NIBAN2: variants seen among roughly 807,000 people sequenced by gnomAD.
NIBAN2 encodes niban apoptosis regulator 2, also known as protein Niban 2.
Under a neutral mutation model 81.8 loss-of-function variants are expected in NIBAN2, and 36 were observed. The observed-to-expected ratio is 0.44, with a 90% CI of 0.34 to 0.58. NIBAN2 has a LOEUF of 0.58. Among genes scored for constraint, NIBAN2 ranks in the 20% least tolerant of loss-of-function variants. The pLI is 0.02. For synonymous variants in NIBAN2, 445 were observed against 441.6 expected (o/e 1.01, Z -0.10); for missense variants, 897 against 1,014.1 (o/e 0.88, Z 1.57).
chr9:127,551,266 T>C (rs1837570534), intron 1 of NIBAN2, among the ~76,000 whole-genome samples: 1 of 152,054 alleles, frequency 6.6e-6, no homozygotes, highest in Non-Finnish European at 1.5e-5. Context: ...CTCACACCTG[T>C]AATCCCAGCA....
chr9:127,556,797 G>A (rs993544761), intron 1 of NIBAN2, among the ~76,000 whole-genome samples: 2 of 151,564 alleles, frequency 1.3e-5, no homozygotes, highest in Middle Eastern at 3.4e-3. Flanking sequence ...ACCACGGGCT[G>A]GGCGTGGTGG....
rs1419852060 is a variant in NIBAN2 at position 127,523,737 on chromosome 9, T to C, written c.531A>G (p.Glu177=). The C allele has an allele frequency of 6.2e-7, 1 of 1,614,064 alleles. No homozygotes were observed. The highest frequency in any genetic ancestry group is 1.7e-5 in the Admixed American group (1 of 60,028). Residue 177 remains glutamate (E), a synonymous_variant, in exon 5 of 14, where the codon GAA becomes GAG. Transcript: ENST00000373312. ...CAGCCTGCCACTTGTCCTGCTCGGC[T>C]TCTGTCATCATGCAGAAGTAGTAGT... ...ARHYYFCMMT[E]AEQDKWQAVL...
chr9:127,506,451 G>T lies in NIBAN2; in HGVS notation c.*394C>A. On this transcript the variant is annotated 3_prime_UTR_variant, in exon 14 of 14. Coordinates refer to ENST00000373312, the MANE Select transcript of NIBAN2 (RefSeq NM_022833.4). ...GTCCTGGCCCAGCCAGCTCCTGGGT[G>T]AGTGGGCGGGAACCCACTGGGCTCA... 1 of 167,514 alleles carries T rather than the reference G, an allele frequency of 6.0e-6. No homozygotes were observed. Among genetic ancestry groups the T allele is most frequent in the Non-Finnish European group, 1.3e-5 (1 of 78,464 alleles). The allele number at this position is 167,514 out of a possible 1,614,324, so 10.4% of individuals were successfully genotyped here.
chr9:127,515,439 T>C (rs1395045171), intron 8 of NIBAN2, among the ~76,000 whole-genome samples: 1 of 148,540 alleles, frequency 6.7e-6, no homozygotes, highest in Non-Finnish European at 1.5e-5. Context: ...GAGAATGGTG[T>C]GAACCCGGGA....
Position 127,508,129 on chromosome 9 carries a change from C to A in NIBAN2, c.1506G>T (p.Pro502=). 1.9e-6 allele frequency: 3 copies of A among 1,613,594 alleles called. No individual in the cohort carries two copies. The highest frequency in any genetic ancestry group is 2.5e-6 in the Non-Finnish European group (3 of 1,180,014). ...FREALLQISI[P]FLLKKLAPTC... Reference sequence around the variant, plus strand: ...TAGGGGCCAGCTTCTTGAGCAGGAACGGGATGCTGATCTGCAGCAGCGCCT... The same window carrying A: ...TAGGGGCCAGCTTCTTGAGCAGGAAAGGGATGCTGATCTGCAGCAGCGCCT... Residue 502 remains proline, a synonymous_variant, in exon 12 of 14, where the codon CCG becomes CCT. Coordinates refer to ENST00000373312, the MANE Select transcript of NIBAN2 (RefSeq NM_022833.4). The surrounding 1 kb of genome is among the most constrained non-coding windows in gnomAD (Gnocchi z 6.4).
At chr9:127,569,302 G>A (rs1319148230), upstream of NIBAN2, among the ~76,000 whole-genome samples, 1 of 150,770 alleles carries the variant, frequency 6.6e-6, no homozygotes, top group Non-Finnish European at 1.5e-5. Flanking sequence ...GGCGGGCGGG[G>A]CACAGGGGCG....
chr9:127,577,413 T>C (rs898324157), intron 1 of NIBAN2, among the ~76,000 whole-genome samples: 6 of 150,812 alleles, frequency 4.0e-5, no homozygotes, highest in Non-Finnish European at 8.8e-5. Context: ...CCAGATCCAA[T>C]ACCCCACACT....
Position 127,506,463 on chromosome 9 carries a change from A to C in NIBAN2, c.*382T>G. 4 of 170,902 alleles carry C rather than the reference A, an allele frequency of 2.3e-5. No individual in the cohort carries two copies. Among genetic ancestry groups the C allele is most frequent in the East Asian group, 1.6e-4 (1 of 6,336 alleles). The allele number at this position is 170,902 out of a possible 1,614,324, so 10.6% of individuals were successfully genotyped here. On this transcript the variant is annotated 3_prime_UTR_variant, in exon 14 of 14. Transcript: ENST00000373312. ...CCAGCTCCTGGGTGAGTGGGCGGGA[A>C]CCCACTGGGCTCACACCAGCTTTCA...
chr9:127,542,618 T>C (rs1416631905), intron 1 of NIBAN2, among the ~76,000 whole-genome samples: 1 of 152,226 alleles, frequency 6.6e-6, no homozygotes, highest in Non-Finnish European at 1.5e-5. Context: ...ATGTACACTG[T>C]GCTGTCCTTC....
At chr9:127,572,891 T>A (rs1008200024), upstream of NIBAN2, among the ~76,000 whole-genome samples, 4 of 151,774 alleles carry the variant, frequency 2.6e-5, no homozygotes, top group East Asian at 1.9e-4. Context: ...AATAATTTTT[T>A]AAAAAAATTA....
At chr9:127,531,907 G>C in intron 1 of NIBAN2, 129 bp from the exon 2 acceptor site, 1 of 1,212,890 alleles carries the variant, frequency 8.2e-7, no homozygotes, top group Non-Finnish European at 1.1e-6. Flanking sequence ...CAGGCTCCTC[G>C]CGCTCATCTG....
At chr9:127,527,346 G>C in intron 2 of NIBAN2, 24 bp from the exon 3 acceptor site, 1 of 1,608,736 alleles carries the variant, frequency 6.2e-7, no homozygotes, top group South Asian at 1.1e-5. Flanking sequence ...CGGGTGGGGA[G>C]TGAGGCCCAG....
chr9:127,511,423 C>T (rs1159125007), intron 8 of NIBAN2, among the ~76,000 whole-genome samples: 1 of 151,792 alleles, frequency 6.6e-6, no homozygotes, highest in Non-Finnish European at 1.5e-5. Flanking sequence ...GTCTCAAACT[C>T]CCTGGGCTCA....
At chr9:127,566,655 G>C (rs1001540660) in intron 1 of NIBAN2, among the ~76,000 whole-genome samples, 9 of 152,180 alleles carry the variant, frequency 5.9e-5, no homozygotes, top group African/African-American at 2.2e-4. Context: ...ACTGTGGGAA[G>C]GGATGTCTCT....
At position 127,508,582 on chromosome 9, in the gene NIBAN2, C is replaced by T. The variant is rs1227721950; in HGVS notation, c.1318-44G>A. On this transcript the variant is annotated intron_variant, in intron 10 of 13. Transcript: ENST00000373312. This position sits in a 1 kb window ranked among gnomAD's most constrained non-coding sequence, Gnocchi z 6.4. Reference sequence around the variant, plus strand: ...ACATGTGAAGCCCCCAGGGTGACCACAGCCCCTTCCTGGGTGCCGCTGAGG... The same window carrying T: ...ACATGTGAAGCCCCCAGGGTGACCATAGCCCCTTCCTGGGTGCCGCTGAGG... 2.0e-6 allele frequency: 3 copies of T among 1,517,160 alleles called. No homozygotes were observed. The highest frequency in any genetic ancestry group is 2.2e-5 in the South Asian group (2 of 89,244). The allele number at this position is 1,517,160 out of a possible 1,614,324, so 94.0% of individuals were successfully genotyped here. A position where few individuals can be genotyped will look rare whatever the true frequency, so the allele number is the denominator to read the frequency against.
Position 127,563,101 on chromosome 9 carries a change from G to A in NIBAN2, c.55+5719C>T, listed in dbSNP as rs768269668. The stretch of plus-strand genomic sequence containing the variant: ...AGGGAGGGCAGCCATGGCCCCGCGT[G>A]GGTTTAGAAAGGTCCCTTTGGCAGC... On this transcript the variant is annotated intron_variant, in intron 1 of 13. Transcript: ENST00000373312. This position sits in a 1 kb window ranked among gnomAD's most constrained non-coding sequence, Gnocchi z 4.1. Among the ~76,000 whole-genome samples the A allele has an allele frequency of 6.6e-6, 1 of 152,132 alleles. No homozygotes were observed. Among genetic ancestry groups the A allele is most frequent in the Non-Finnish European group, 1.5e-5 (1 of 68,038 alleles).
At chr9:127,530,863 C>A (rs778986677) in intron 2 of NIBAN2, among the ~76,000 whole-genome samples, 33 of 152,128 alleles carry the variant, frequency 2.2e-4, no homozygotes, top group Non-Finnish European at 4.3e-4. Context: ...AACAACACGA[C>A]CTGGGTTACC....
At chr9:127,556,683 C>A (rs1414541806) in intron 1 of NIBAN2, among the ~76,000 whole-genome samples, 1 of 152,208 alleles carries the variant, frequency 6.6e-6, no homozygotes. Context: ...TGTTCAGCTG[C>A]TGGTGGAGCA....
rs576435438 is a variant in NIBAN2 at position 127,563,526 on chromosome 9, AT to A, written c.55+5293del. Among the ~76,000 whole-genome samples, 160 of 146,276 alleles carry A rather than the reference AT, an allele frequency of 1.1e-3. No individual in the cohort carries two copies. Among genetic ancestry groups the A allele is most frequent in the South Asian group, 2.4e-3 (11 of 4,610 alleles). The stretch of plus-strand genomic sequence containing the variant: ...CCACTTCCCAAATGTTGAGAGGTAG[AT>A]TTTTTTTTTTTTTGAGACAGAGTCT... On this transcript the variant is annotated intron_variant, in intron 1 of 13. Transcript: ENST00000373312. This position sits in a 1 kb window ranked among gnomAD's most constrained non-coding sequence, Gnocchi z 4.1.
Sources: allele counts gnomAD v4.1 joint callset (sites outside exome capture counted in the v4.1 genomes callset), GRCh38; gene constraint gnomAD v4.1.1; non-coding constraint Gnocchi (gnomAD v3.1); transcripts MANE v1.5; gene names NCBI Gene and HGNC (gene_info 2026-07-23, HGNC 2026-07-21).